ACIN1: variants seen among roughly 807,000 people sequenced by gnomAD.
ACIN1 encodes the protein apoptotic chromatin condensation inducer 1, also known as apoptotic chromatin condensation inducer in the nucleus.
Under a neutral mutation model 146.6 loss-of-function variants are expected in ACIN1, and 16 were observed. The observed-to-expected ratio is 0.11, with a 90% confidence interval of 0.07 to 0.17. The LOEUF is 0.17. ACIN1 is among the 10% of genes least tolerant of loss of function. ACIN1 has a pLI of 1.00. For missense variants in ACIN1, 1,357 were observed against 1,609.3 expected (o/e 0.84, Z 2.68); for synonymous variants, 569 against 582.7 (o/e 0.98, Z 0.34).
At chr14:23,093,377 A>G (rs1481779118) in intron 2 of ACIN1, 102 bp downstream of exon 2, 1 of 1,208,120 alleles carries the variant, frequency 8.3e-7, no homozygotes, top group Non-Finnish European at 1.2e-6. Flanking sequence ...GAACTTAGGA[A>G]AACAGTCATG....
At position 23,079,825 on chromosome 14, in the gene ACIN1, G is replaced by A; in HGVS notation, c.1510C>T (p.His504Tyr). 6.2e-7 allele frequency: 1 copy of A among 1,614,192 alleles called. No homozygotes were observed. The highest frequency in any genetic ancestry group is 8.5e-7 in the Non-Finnish European group (1 of 1,180,014). The change falls in exon 6 of 19, where the codon CAT (histidine) becomes TAT (tyrosine). Residue 504 changes from histidine to tyrosine, a missense_variant. Transcript: ENST00000605057. ...AATCTGTGGCTTGGGAGAAGGGTAT[G>A]AGAAGCTCTTCTGCCTTCCTTCTGT... ...LEQKEGRRAS[H>Y]TLLPSHRLKQ...
rs1315577217 is a variant in ACIN1, at chr14:23,061,606, C to T, written c.3116G>A (p.Gly1039Asp). 2 of 1,538,904 alleles carry T rather than the reference C, an allele frequency of 1.3e-6. No homozygotes were observed. Among genetic ancestry groups the T allele is most frequent in the African/African-American group, 1.4e-5 (1 of 72,922 alleles). Residue 1039 changes from glycine (G) to aspartate (D), a missense_variant, in exon 17 of 19, where the codon GGC becomes GAC. Gly to Asp is a moderately conservative substitution (Grantham distance 94). Around this residue, in one of 4 missense-constraint regions of ACIN1, gnomAD observed 509 missense variants for 719.6 expected, o/e 0.71. Transcript: ENST00000605057. ...TTCAGAGGGACGGTCCACCAAGAGG[C>T]CTCGGTGATAATCCAGCTGTGGGGA... The part of the protein sequence containing the change: ...AEQDELDYHR[G>D]LLVDRPSETK...
chr14:23,094,531 G>A (rs1180773351), intron 1 of ACIN1: 13 of 985,156 alleles, frequency 1.3e-5, no homozygotes, highest in Non-Finnish European at 1.6e-5. Flanking sequence ...CCCTACCCCA[G>A]TCCTATTCGT....
At chr14:23,089,240 CA>C (rs2048164941) in intron 4 of ACIN1, among the ~76,000 whole-genome samples, 1 of 152,102 alleles carries the variant, frequency 6.6e-6, no homozygotes, top group Non-Finnish European at 1.5e-5. Context: ...AGGGTTTTGC[CA>C]TGGCTTTTTC....
chr14:23,068,155 T>TGC lies in ACIN1; in HGVS notation c.2265+1320_2265+1321insGC. 1.0e-6 allele frequency: 1 copy of TGC among 985,954 alleles called. No homozygotes were observed. Among genetic ancestry groups the TGC allele is most frequent in the Non-Finnish European group, 1.2e-6 (1 of 829,992 alleles). The allele number at this position is 985,954 out of a possible 1,614,324, so 61.1% of individuals were successfully genotyped here. On this transcript the variant is annotated intron_variant, in intron 9 of 18. Transcript: ENST00000605057. The surrounding 1 kb of genome is among the most constrained non-coding windows in gnomAD (Gnocchi z 4.3). ...ATTAAATCCCCAGGGGCTCAGACCC[T>TGC]AGACTCCTCTGCACGGTTCCTAGTC...
chr14:23,094,544 A>T, intron 1 of ACIN1: 1 of 985,252 alleles, frequency 1.0e-6, no homozygotes, highest in Non-Finnish European at 1.2e-6. Context: ...CTATTCGTGC[A>T]GATACCGATA....
intron 18 of ACIN1, among the ~76,000 whole-genome samples, chr14:23,060,260 T>C (rs893890178): frequency 2.0e-5 from 3 of 151,600 alleles, no homozygotes; most frequent in African/African-American, 2.4e-5. Context: ...TGAGCCACCA[T>C]GCCTAGCCAC....
intron 2 of ACIN1, among the ~76,000 whole-genome samples, chr14:23,092,667 G>A (rs2048258765): frequency 6.6e-6 from 1 of 152,048 alleles, no homozygotes; most frequent in Admixed American, 6.6e-5. Flanking sequence ...TATAATGAGG[G>A]GATTTTTAAA....
intron 4 of ACIN1, among the ~76,000 whole-genome samples, chr14:23,089,774 G>A (rs2048180137): frequency 6.6e-6 from 1 of 152,170 alleles, no homozygotes; most frequent in African/African-American, 2.4e-5. Context: ...ACACTGCTTC[G>A]TAAAACACTG....
In ACIN1 at chr14:23,071,678, G is replaced by A. The variant is rs878948108; in HGVS notation, c.2124-2061C>T. ...GTTCTTATCCTTTGGCAGGCCACAGGGAGCCGACTGCTGGCTCCAGAGGCC... is the reference window on the plus strand; with the variant it reads ...GTTCTTATCCTTTGGCAGGCCACAGAGAGCCGACTGCTGGCTCCAGAGGCC... On this transcript the variant is annotated intron_variant, in intron 8 of 18. Coordinates refer to ENST00000605057, the MANE Select transcript of ACIN1 (RefSeq NM_001386863.1). 15 of 995,158 alleles carry A rather than the reference G, an allele frequency of 1.5e-5. No individual in the cohort carries two copies. The South Asian group carries it at 2.1e-4, about 14-fold the overall frequency. The allele number at this position is 995,158 out of a possible 1,614,324, so 61.6% of individuals were successfully genotyped here.
chr14:23,071,056 G>A (rs1226846339), intron 8 of ACIN1: 9 of 1,460,240 alleles, frequency 6.2e-6, no homozygotes, highest in Non-Finnish European at 6.5e-6. Flanking sequence ...AAGCCATGAG[G>A]AAGAGAAGGA....
At chr14:23,069,242 G>T in intron 9 of ACIN1, 1 of 1,229,698 alleles carries the variant, frequency 8.1e-7, no homozygotes, top group Non-Finnish European at 1.0e-6. Context: ...AACGTCTAGA[G>T]TCTGGGCACT....
chr14:23,076,814 T>C (rs1194809332), intron 8 of ACIN1, among the ~76,000 whole-genome samples: 1 of 152,116 alleles, frequency 6.6e-6, no homozygotes, highest in Non-Finnish European at 1.5e-5. Context: ...GGTTGAGGGA[T>C]ATGGAAGAGA....
intron 8 of ACIN1, chr14:23,071,124 C>A (rs1181418406): frequency 1.3e-6 from 2 of 1,551,804 alleles, no homozygotes; most frequent in South Asian, 2.4e-5. Flanking sequence ...GAAGCTCTCA[C>A]CCTTCTTTGC....
upstream of ACIN1, chr14:23,095,242 T>G (rs1401966681): frequency 6.2e-7 from 1 of 1,608,666 alleles, no homozygotes; most frequent in South Asian, 1.1e-5. Flanking sequence ...CACTCAGAAC[T>G]CCCCGGGTTC....
At chr14:23,063,287 A>G (rs1186392740) in intron 13 of ACIN1, 149 bp downstream of exon 13, 2 of 1,208,154 alleles carry the variant, frequency 1.7e-6, no homozygotes, top group Admixed American at 2.8e-5. Context: ...CTGGCCCTCA[A>G]GTAGCTTACT....
At chr14:23,085,290 G>A (rs748598258) in intron 4 of ACIN1, among the ~76,000 whole-genome samples, 4 of 152,136 alleles carry the variant, frequency 2.6e-5, no homozygotes, top group African/African-American at 4.8e-5. Flanking sequence ...AGCAGAGATC[G>A]CGCCACTGCA....
chr14:23,072,374 G>A (rs1216462456), intron 8 of ACIN1, among the ~76,000 whole-genome samples: 3 of 152,172 alleles, frequency 2.0e-5, no homozygotes, highest in African/African-American at 7.2e-5. Context: ...AAGCTTGAAG[G>A]CCACTTCTTG....
At chr14:23,083,481 C>T (rs778893479) in intron 4 of ACIN1, among the ~76,000 whole-genome samples, 1 of 152,150 alleles carries the variant, frequency 6.6e-6, no homozygotes, top group Non-Finnish European at 1.5e-5. Flanking sequence ...GCCTGTAATC[C>T]TAGCACTTTG....
Sources: gnomAD v4.1 joint callset for allele counts (sites outside exome capture counted in the v4.1 genomes callset) on GRCh38, gnomAD v4.1.1 for gene constraint, gnomAD v4.1.1 regional missense constraint, Gnocchi (gnomAD v3.1) non-coding constraint, MANE v1.5 for transcripts, NCBI Gene and HGNC (gene_info 2026-07-23, HGNC 2026-07-21) for gene names.